The following FAF1 variants were observed in gnomAD, a reference collection of about 807,000 sequenced individuals.
FAF1 encodes Fas associated factor 1, also known as FAS-associated factor 1.
A neutral mutation model predicts 92.5 loss-of-function variants in FAF1; 25 were observed. That is an observed-to-expected ratio of 0.27 (90% CI 0.20 to 0.38). FAF1 has a LOEUF of 0.38. Ranked by LOEUF, FAF1 falls within the 10% of genes least tolerant of loss-of-function variation. The pLI, the probability that FAF1 is intolerant of heterozygous loss-of-function variation, is 1.00. For missense variants in FAF1, 636 were observed against 793.3 expected (o/e 0.80, Z 2.38); for synonymous variants, 234 against 273.2 (o/e 0.86, Z 1.42).
intron 2 of FAF1, among the ~76,000 whole-genome samples, chr1:50,806,877 A>C (rs1015973793): frequency 6.6e-6 from 1 of 152,220 alleles, no homozygotes; most frequent in African/African-American, 2.4e-5. Flanking sequence ...AAAAACAAAC[A>C]AACAAACACA....
chr1:50,624,639 C>T (rs917698377), intron 8 of FAF1, among the ~76,000 whole-genome samples: 8 of 151,834 alleles, frequency 5.3e-5, no homozygotes, highest in Admixed American at 5.2e-4. Flanking sequence ...AAAAGGAAAA[C>T]AAAAAAGGAA....
chr1:50,561,139 G>A (rs573103273), intron 13 of FAF1, among the ~76,000 whole-genome samples: 11 of 152,284 alleles, frequency 7.2e-5, no homozygotes, highest in Non-Finnish European at 1.2e-4. Flanking sequence ...AATTTGGGAG[G>A]CCAATTACTT....
At chr1:50,630,828 C>T (rs79318639) in intron 8 of FAF1, among the ~76,000 whole-genome samples, 11,474 of 102,552 alleles carry the variant, frequency 0.11, 708 homozygotes, top group African/African-American at 0.21. Context: ...TGTATCATAT[C>T]TTTTTTTTTT....
At chr1:50,660,724 C>T (rs1655335985) in intron 7 of FAF1, among the ~76,000 whole-genome samples, 1 of 152,044 alleles carries the variant, frequency 6.6e-6, no homozygotes, top group Admixed American at 6.6e-5. Flanking sequence ...GAGCTCCTGA[C>T]CTTGTGATCT....
At chr1:50,536,188 G>A (rs976600944) in intron 14 of FAF1, among the ~76,000 whole-genome samples, 4 of 152,092 alleles carry the variant, frequency 2.6e-5, no homozygotes, top group African/African-American at 9.7e-5. Context: ...TTATAAAGAA[G>A]GTATTTTTAA....
At chr1:50,453,172 A>G (rs1472872798) in intron 18 of FAF1, among the ~76,000 whole-genome samples, 2 of 152,216 alleles carry the variant, frequency 1.3e-5, no homozygotes, top group African/African-American at 4.8e-5. Context: ...TAAGAGCTCA[A>G]ATACCTTATT....
intron 1 of FAF1, among the ~76,000 whole-genome samples, chr1:50,940,445 T>C (rs1645122289): frequency 6.6e-6 from 1 of 152,220 alleles, no homozygotes; most frequent in Non-Finnish European, 1.5e-5. Flanking sequence ...ATTTGTTTTG[T>C]AGAGATGAGG....
At chr1:50,921,797 A>T (rs943555239) in intron 1 of FAF1, among the ~76,000 whole-genome samples, 7 of 152,090 alleles carry the variant, frequency 4.6e-5, no homozygotes, top group South Asian at 4.2e-4. Flanking sequence ...AAAAAAATTT[A>T]AAGTATAAAA....
intron 18 of FAF1, among the ~76,000 whole-genome samples, chr1:50,460,871 T>C (rs1349536769): frequency 6.6e-6 from 1 of 152,118 alleles, no homozygotes; most frequent in African/African-American, 2.4e-5. Flanking sequence ...CAGGCAGGTC[T>C]CAAATTCCTG....
chr1:50,922,251 G>C (rs1342744606), intron 1 of FAF1, among the ~76,000 whole-genome samples: 14 of 151,670 alleles, frequency 9.2e-5, no homozygotes, highest in Non-Finnish European at 1.6e-4. Flanking sequence ...CTGAGGTCAA[G>C]GAGTTCGAGA....
chr1:50,538,009 C>A (rs1475204633), intron 14 of FAF1, among the ~76,000 whole-genome samples: 1 of 151,850 alleles, frequency 6.6e-6, no homozygotes, highest in Non-Finnish European at 1.5e-5. Flanking sequence ...GATCTTTTAT[C>A]TATACATGAT....
chr1:50,490,460 G>GAAGC, intron 17 of FAF1, 128 bp downstream of exon 17: 1 of 530,206 alleles, frequency 1.9e-6, no homozygotes, highest in East Asian at 3.4e-5. Context: ...AGGAAGGAAG[G>GAAGC]AAAAAGAAAG....
At chr1:50,697,845 A>C (rs981515274) in intron 7 of FAF1, among the ~76,000 whole-genome samples, 1 of 152,210 alleles carries the variant, frequency 6.6e-6, no homozygotes, top group African/African-American at 2.4e-5. Context: ...AAGGTACTAT[A>C]CTATAGCCCT....
At chr1:50,773,490 G>A (rs1660843278) in intron 4 of FAF1, among the ~76,000 whole-genome samples, 1 of 152,144 alleles carries the variant, frequency 6.6e-6, no homozygotes, top group Non-Finnish European at 1.5e-5. Flanking sequence ...ATACTATTCA[G>A]CCTTAAAAAA....
At chr1:50,731,660 GCC>G (rs746035352) in intron 6 of FAF1, among the ~76,000 whole-genome samples, 260 of 152,090 alleles carry the variant, frequency 1.7e-3, no homozygotes, top group Non-Finnish European at 2.8e-3. Flanking sequence ...GAGCCACCGC[GCC>G]CGGCCTCAAA....
At chr1:50,718,687 T>A (rs1293254158) in intron 6 of FAF1, among the ~76,000 whole-genome samples, 1 of 152,232 alleles carries the variant, frequency 6.6e-6, no homozygotes, top group Non-Finnish European at 1.5e-5. Context: ...GTGATTTTTT[T>A]AATTATAAAA....
At chr1:50,750,468 A>T (rs954195620) in intron 4 of FAF1, among the ~76,000 whole-genome samples, 2 of 152,166 alleles carry the variant, frequency 1.3e-5, no homozygotes, top group African/African-American at 2.4e-5. Context: ...AATCAAGATA[A>T]GAACATTTCC....
chr1:50,659,590 A>AT lies in FAF1; in HGVS notation c.658-4063dup, dbSNP rs918920154. Among the ~76,000 whole-genome samples, 16 of 149,200 alleles carry AT rather than the reference A, an allele frequency of 1.1e-4. No homozygotes were observed. In the South Asian group the frequency reaches 1.5e-3, roughly 14 times the overall value. Reference sequence around the variant, plus strand: ...TCCTAAGGGCCTTTTTGTCTTACACATTTTTTTTTTGATCAGCATTGGCTC... The same window carrying AT: ...TCCTAAGGGCCTTTTTGTCTTACACATTTTTTTTTTTGATCAGCATTGGCTC... On this transcript the variant is annotated intron_variant, in intron 7 of 18. Coordinates refer to ENST00000396153, the MANE Select transcript of FAF1 (RefSeq NM_007051.3).
chr1:50,833,657 C>T (rs1352773106), intron 2 of FAF1, among the ~76,000 whole-genome samples: 1 of 152,116 alleles, frequency 6.6e-6, no homozygotes, highest in Non-Finnish European at 1.5e-5. Context: ...GCTTGTTCTT[C>T]CTGGCAACTA....
Sources: gnomAD v4.1 joint callset for allele counts (sites outside exome capture counted in the v4.1 genomes callset) on GRCh38, gnomAD v4.1.1 for gene constraint, MANE v1.5 for transcripts, NCBI Gene and HGNC (gene_info 2026-07-23, HGNC 2026-07-21) for gene names.